Variants in CTNNA3 observed in about 807,000 individuals in gnomAD.
The protein encoded by CTNNA3 is catenin alpha 3, also known as catenin alpha-3.
A neutral mutation model predicts 95.7 loss-of-function variants in CTNNA3; 76 were observed. That is an observed-to-expected ratio of 0.79 (90% confidence interval 0.66 to 0.96). CTNNA3 has a LOEUF of 0.96. CTNNA3 is among the 40% of genes least tolerant of loss of function. The probability of loss-of-function intolerance (pLI) is 0.00; values close to 1 mark genes in which losing one functional copy is unlikely to be tolerated. For missense variants in CTNNA3, 1,191 were observed against 1,089.8 expected (o/e 1.09, Z -1.31); for synonymous variants, 431 against 374.4 (o/e 1.15, Z -1.74).
chr10:66,577,565 C>T (rs1013257734), intron 10 of CTNNA3, among the ~76,000 whole-genome samples: 3 of 152,014 alleles, frequency 2.0e-5, no homozygotes, highest in African/African-American at 7.3e-5. Flanking sequence ...GATCCCAGCA[C>T]CATTTATTGA....
At chr10:67,466,442 G>A (rs1053200322) in intron 5 of CTNNA3, among the ~76,000 whole-genome samples, 11 of 152,184 alleles carry the variant, frequency 7.2e-5, no homozygotes, top group Non-Finnish European at 8.8e-5. Context: ...CTCTTTCTAC[G>A]TAATTATAAT....
chr10:66,845,264 A>G (rs11815580), intron 7 of CTNNA3, among the ~76,000 whole-genome samples: 118 of 152,332 alleles, frequency 7.7e-4, no homozygotes, highest in African/African-American at 2.8e-3. Flanking sequence ...ACCAACAGGT[A>G]CATGAAAGGG....
intron 5 of CTNNA3, among the ~76,000 whole-genome samples, chr10:67,423,707 C>T (rs1328439406): frequency 6.6e-6 from 1 of 152,040 alleles, no homozygotes; most frequent in Non-Finnish European, 1.5e-5. Flanking sequence ...ACAAAGTTAA[C>T]ATTATTGATG....
chr10:67,259,323 A>G (rs1866495705), intron 5 of CTNNA3, among the ~76,000 whole-genome samples: 1 of 152,182 alleles, frequency 6.6e-6, no homozygotes, highest in Non-Finnish European at 1.5e-5. Context: ...ATATCTTTAC[A>G]ACATCTTTTT....
At chr10:67,300,479 C>T (rs577811767) in intron 5 of CTNNA3, among the ~76,000 whole-genome samples, 1 of 152,222 alleles carries the variant, frequency 6.6e-6, no homozygotes, top group African/African-American at 2.4e-5. Flanking sequence ...CATCCTCTGG[C>T]CTTCCTAGGG....
At chr10:66,473,964 C>CACAATAA (rs759691351) in intron 11 of CTNNA3, among the ~76,000 whole-genome samples, 2 of 151,912 alleles carry the variant, frequency 1.3e-5, no homozygotes, top group Non-Finnish European at 1.5e-5. Flanking sequence ...TGAATAGTGC[C>CACAATAA]ACAATAAACA....
intron 7 of CTNNA3, among the ~76,000 whole-genome samples, chr10:66,792,487 C>T (rs1841012011): frequency 6.6e-6 from 1 of 152,088 alleles, no homozygotes; most frequent in South Asian, 2.1e-4. Context: ...CCAGGTGGTA[C>T]TCACACAGCA....
intron 5 of CTNNA3, among the ~76,000 whole-genome samples, chr10:67,226,813 C>T (rs1477042072): frequency 2.0e-5 from 3 of 152,092 alleles, no homozygotes; most frequent in Admixed American, 6.6e-5. Context: ...AACAAAACTA[C>T]AAGTTAAAAA....
intron 5 of CTNNA3, among the ~76,000 whole-genome samples, chr10:67,290,593 TG>T (rs1043609453): frequency 6.6e-6 from 1 of 152,198 alleles, no homozygotes; most frequent in African/African-American, 2.4e-5. Flanking sequence ...AGATGCTATA[TG>T]TGTCCCCATT....
chr10:67,069,534 T>C (rs1639857324), intron 7 of CTNNA3, among the ~76,000 whole-genome samples: 1 of 151,778 alleles, frequency 6.6e-6, no homozygotes, highest in Admixed American at 6.6e-5. Context: ...AAGAAACAGA[T>C]ATTACAAGGT....
chr10:66,086,053 A>T (rs530035821), intron 14 of CTNNA3, among the ~76,000 whole-genome samples: 2 of 152,248 alleles, frequency 1.3e-5, no homozygotes, highest in African/African-American at 4.8e-5. Context: ...AATAAACAAA[A>T]CATAATTCTT....
chr10:67,760,003 T>C lies in CTNNA3; in HGVS notation c.-2+3431A>G, dbSNP rs139267733. On this transcript the variant is annotated intron_variant, in intron 1 of 17. Coordinates refer to the CTNNA3 transcript ENST00000684154. The stretch of plus-strand genomic sequence containing the variant: ...CTCACCCACAGAAACTATGAGGTAA[T>C]AAATTTGTGTTGTTTTACGCCACTA... Among the ~76,000 whole-genome samples, 616 of 152,336 alleles carry C rather than the reference T, an allele frequency of 4.0e-3. 4 individuals are homozygous for C. Among genetic ancestry groups the C allele is most frequent in the Middle Eastern group, 0.024 (7 of 294 alleles).
At chr10:67,014,285 A>G (rs1410980972) in intron 7 of CTNNA3, among the ~76,000 whole-genome samples, 1 of 152,186 alleles carries the variant, frequency 6.6e-6, no homozygotes, top group Non-Finnish European at 1.5e-5. Context: ...AGCAGTGGTA[A>G]TAGGTTTACA....
rs943112985 is a variant in CTNNA3 at position 66,561,698 on chromosome 10, A to T, written c.1375-40925T>A. Among the ~76,000 whole-genome samples, 9 of 152,074 alleles carry T rather than the reference A, an allele frequency of 5.9e-5. 1 individual carries two copies. The highest frequency in any genetic ancestry group is 2.9e-5 in the Non-Finnish European group (2 of 67,978). ...AAGGAGATTGTGGACCTGGATGAAC[A>T]GACTAAATAAGCAAAGGAAAATGCT... On this transcript the variant is annotated intron_variant, in intron 10 of 17. Transcript: ENST00000433211.
At chr10:67,410,343 G>A (rs934365612) in intron 5 of CTNNA3, among the ~76,000 whole-genome samples, 3 of 152,028 alleles carry the variant, frequency 2.0e-5, no homozygotes, top group African/African-American at 7.2e-5. Flanking sequence ...CACACACTGG[G>A]TCCTGTCAAA....
At chr10:67,375,416 G>A (rs1002684036) in intron 5 of CTNNA3, among the ~76,000 whole-genome samples, 6 of 152,136 alleles carry the variant, frequency 3.9e-5, no homozygotes, top group African/African-American at 1.4e-4. Flanking sequence ...AACCAGCCTA[G>A]CCAACATGGC....
chr10:67,740,198 A>C (rs1268104054), intron 1 of CTNNA3, among the ~76,000 whole-genome samples: 2 of 152,198 alleles, frequency 1.3e-5, no homozygotes, highest in East Asian at 3.8e-4. Flanking sequence ...CTAAAACCAT[A>C]AAAACCCTAG....
At chr10:65,933,875 G>C (rs2077293535) in intron 17 of CTNNA3, among the ~76,000 whole-genome samples, 1 of 152,142 alleles carries the variant, frequency 6.6e-6, no homozygotes, top group Non-Finnish European at 1.5e-5. Flanking sequence ...TGTTTCATGT[G>C]ACCCAGTCCC....
At chr10:67,579,594 G>T (rs905150091) in intron 3 of CTNNA3, among the ~76,000 whole-genome samples, 1 of 152,160 alleles carries the variant, frequency 6.6e-6, no homozygotes, top group Non-Finnish European at 1.5e-5. Flanking sequence ...GGGTCAAATG[G>T]TATTTCTAGT....
Sources: allele counts gnomAD v4.1 joint callset (sites outside exome capture counted in the v4.1 genomes callset), GRCh38; gene constraint gnomAD v4.1.1; transcripts MANE v1.5; gene names NCBI Gene and HGNC (gene_info 2026-07-23, HGNC 2026-07-21).